Variants in SH3PXD2A observed in about 807,000 individuals in gnomAD.
SH3PXD2A encodes the protein SH3 and PX domains 2A.
In SH3PXD2A, 32 loss-of-function variants were observed where a neutral mutation model predicts 115.2. The ratio of observed to expected loss-of-function variants is 0.28; its 90% CI spans 0.21 to 0.37. The LOEUF (loss-of-function observed/expected upper bound fraction) is 0.37. Among genes scored for constraint, SH3PXD2A ranks in the 10% least tolerant of loss-of-function variants. The pLI is 1.00. For synonymous variants in SH3PXD2A, 610 were observed against 629.1 expected (o/e 0.97, Z 0.45); for missense variants, 1,328 against 1,498.7 (o/e 0.89, Z 1.88).
chr10:103,827,061 C>G (rs1445517477), intron 1 of SH3PXD2A, among the ~76,000 whole-genome samples: 2 of 152,126 alleles, frequency 1.3e-5, no homozygotes, highest in African/African-American at 2.4e-5. Context: ...GCGAATCTGT[C>G]ATCCTGACAG....
intron 8 of SH3PXD2A, among the ~76,000 whole-genome samples, chr10:103,656,266 G>C (rs1023692239): frequency 6.6e-6 from 1 of 152,194 alleles, no homozygotes; most frequent in South Asian, 2.1e-4. Flanking sequence ...CTCTGTGATG[G>C]TTCTCCAGGA....
chr10:103,795,153 A>G (rs1398860375), intron 2 of SH3PXD2A, among the ~76,000 whole-genome samples: 1 of 152,254 alleles, frequency 6.6e-6, no homozygotes, highest in African/African-American at 2.4e-5. Context: ...AGTACTTGTG[A>G]TCTAGCAAGT....
intron 5 of SH3PXD2A, among the ~76,000 whole-genome samples, chr10:103,716,197 C>A (rs79772636): frequency 1.4e-3 from 216 of 152,324 alleles, no homozygotes; most frequent in African/African-American, 5.0e-3. Context: ...GGCCCAGTTC[C>A]CAAACCTGTG....
At chr10:103,701,166 AT>A (rs2037894391) in intron 5 of SH3PXD2A, among the ~76,000 whole-genome samples, 5 of 145,400 alleles carry the variant, frequency 3.4e-5, no homozygotes, top group African/African-American at 1.0e-4. Context: ...CCATCCATCC[AT>A]CCATCCATCC....
At position 103,756,662 on chromosome 10, in the gene SH3PXD2A, T is replaced by C. The variant is rs949482734; in HGVS notation, c.229+10432A>G. On this transcript the variant is annotated intron_variant, in intron 3 of 14. Coordinates refer to ENST00000369774, the MANE Select transcript of SH3PXD2A (RefSeq NM_001394015.1). The surrounding 1 kb of genome is among the most constrained non-coding windows in gnomAD (Gnocchi z 4.4). ...GCCCACAGGCAGGAGTGGGGAGTGGTGGTGAGGTGAAACACTCCTTCTGCC... is the reference window on the plus strand; with the variant it reads ...GCCCACAGGCAGGAGTGGGGAGTGGCGGTGAGGTGAAACACTCCTTCTGCC... 6.6e-6 allele frequency among the ~76,000 whole-genome samples: 1 copy of C among 151,980 alleles called. No individual in the cohort carries two copies. The highest frequency in any genetic ancestry group is 2.4e-5 in the African/African-American group (1 of 41,384).
At position 103,601,686 on chromosome 10, in the gene SH3PXD2A, C is replaced by G. The variant is rs2036216269; in HGVS notation, c.*130G>C. 1.9e-6 allele frequency: 1 copy of G among 530,732 alleles called. No individual in the cohort carries two copies. 32.9% of individuals were successfully genotyped at this position (530,732 alleles called of 1,614,324 possible). On this transcript the variant is annotated 3_prime_UTR_variant, in exon 15 of 15. Coordinates refer to ENST00000369774, the MANE Select transcript of SH3PXD2A (RefSeq NM_001394015.1). ...GGGGGCATCTTTGAGGTCACCCATT[C>G]TGCAGTGTTGAATGTTGTCCACCCC...
At chr10:103,660,473 A>G (rs1352380624) in intron 8 of SH3PXD2A, among the ~76,000 whole-genome samples, 1 of 151,848 alleles carries the variant, frequency 6.6e-6, no homozygotes, top group African/African-American at 2.4e-5. Context: ...GGCAGGGGGC[A>G]GTCAGATCCC....
intron 9 of SH3PXD2A, among the ~76,000 whole-genome samples, chr10:103,626,855 G>C (rs1030203585): frequency 6.6e-5 from 10 of 152,202 alleles, no homozygotes; most frequent in African/African-American, 2.4e-4. Flanking sequence ...GAGGCTGACT[G>C]TGTAGGGGTC....
At chr10:103,691,677 G>A (rs192766635) in intron 6 of SH3PXD2A, among the ~76,000 whole-genome samples, 1 of 152,030 alleles carries the variant, frequency 6.6e-6, no homozygotes, top group East Asian at 1.9e-4. Flanking sequence ...CCCACAGCTA[G>A]ACATGTCCCA....
chr10:103,676,271 G>A lies in SH3PXD2A; in HGVS notation c.428-7619C>T, dbSNP rs557834761. 1.9e-3 allele frequency among the ~76,000 whole-genome samples: 287 copies of A among 152,334 alleles called. 1 individual carries two copies. Among genetic ancestry groups the A allele is most frequent in the Middle Eastern group, 3.4e-3 (1 of 294 alleles). On this transcript the variant is annotated intron_variant, in intron 6 of 14. Transcript: ENST00000369774. ...CCTCATTCCCTGGAATCCAGAACACGTGTGGGGGCAGCCCAACCCAGGGTA... is the reference window on the plus strand; with the variant it reads ...CCTCATTCCCTGGAATCCAGAACACATGTGGGGGCAGCCCAACCCAGGGTA...
intron 9 of SH3PXD2A, among the ~76,000 whole-genome samples, chr10:103,626,138 C>T (rs993792127): frequency 1.3e-5 from 2 of 152,234 alleles, no homozygotes; most frequent in African/African-American, 4.8e-5. Context: ...TGGCAGGGGC[C>T]GAGGCTCTGG....
intron 5 of SH3PXD2A, among the ~76,000 whole-genome samples, chr10:103,712,976 G>C (rs1484101961): frequency 6.6e-6 from 1 of 152,210 alleles, no homozygotes; most frequent in Non-Finnish European, 1.5e-5. Context: ...AGGAGCATGG[G>C]CCTCCCTGGA....
intron 1 of SH3PXD2A, among the ~76,000 whole-genome samples, chr10:103,808,279 T>C (rs961222402): frequency 6.9e-4 from 102 of 148,848 alleles, no homozygotes; most frequent in Non-Finnish European, 8.8e-4. Context: ...TGAGACAGGG[T>C]CTGGCTCTGT....
At chr10:103,625,689 C>T (rs2036680530) in intron 9 of SH3PXD2A, among the ~76,000 whole-genome samples, 1 of 152,138 alleles carries the variant, frequency 6.6e-6, no homozygotes, top group Non-Finnish European at 1.5e-5. Flanking sequence ...GCCAGGAGTT[C>T]AAGACCAGCC....
chr10:103,754,050 GAGA>G (rs2038610905), intron 3 of SH3PXD2A: 1 of 152,190 alleles, frequency 6.6e-6, no homozygotes, highest in Non-Finnish European at 1.5e-5. Flanking sequence ...GTGCCAATCA[GAGA>G]AGAATTACCT....
chr10:103,650,315 C>G (rs1197618949), intron 8 of SH3PXD2A, among the ~76,000 whole-genome samples: 3 of 152,236 alleles, frequency 2.0e-5, no homozygotes, highest in African/African-American at 4.8e-5. Flanking sequence ...CACAGATGTG[C>G]CACAGCCCTG....
intron 3 of SH3PXD2A, chr10:103,736,961 A>T (rs1346044910): frequency 6.1e-6 from 1 of 162,974 alleles, no homozygotes; most frequent in African/African-American, 2.4e-5. Context: ...GTGGGGAGGG[A>T]CCCAATCTGG....
chr10:103,649,340 T>A (rs1592281621), intron 8 of SH3PXD2A, among the ~76,000 whole-genome samples: 1 of 152,136 alleles, frequency 6.6e-6, no homozygotes, highest in Non-Finnish European at 1.5e-5. Context: ...TTGCCTGAGG[T>A]CACTTGGCTG....
At chr10:103,776,436 C>CTGTGTGTGTGTGTG (rs34034863) in intron 2 of SH3PXD2A, among the ~76,000 whole-genome samples, 2 of 125,042 alleles carry the variant, frequency 1.6e-5, no homozygotes, top group African/African-American at 5.8e-5. Context: ...GTGTGTGTGT[C>CTGTGTGTGTGTGTG]TGTGTGTGTG....
Sources: gnomAD v4.1 joint callset for allele counts (sites outside exome capture counted in the v4.1 genomes callset) on GRCh38, gnomAD v4.1.1 for gene constraint, Gnocchi (gnomAD v3.1) non-coding constraint, MANE v1.5 for transcripts, NCBI Gene and HGNC (gene_info 2026-07-23, HGNC 2026-07-21) for gene names.